BIRC6: variants seen among roughly 807,000 people sequenced by gnomAD.
BIRC6 encodes dual E2 ubiquitin-conjugating enzyme/E3 ubiquitin-protein ligase BIRC6.
BIRC6 carries 98 observed loss-of-function variants against 503.3 expected under a neutral mutation model. The observed-to-expected ratio is 0.19, with a 90% CI of 0.17 to 0.23. The LOEUF (loss-of-function observed/expected upper bound fraction) is 0.23, where lower values mean the gene tolerates loss of function less well. Ranked by LOEUF, BIRC6 falls within the 10% of genes least tolerant of loss-of-function variation. The pLI is 1.00. For missense variants in BIRC6, 5,360 were observed against 5,806.0 expected, an observed-to-expected ratio of 0.92 and a Z score of 2.50; for synonymous variants, 2,240 against 2,078.7, an observed-to-expected ratio of 1.08 and a Z score of -2.11.
intron 23 of BIRC6, among the ~76,000 whole-genome samples, chr2:32,458,555 T>G (rs1558781198): frequency 6.6e-6 from 1 of 152,022 alleles, no homozygotes; most frequent in Non-Finnish European, 1.5e-5. Flanking sequence ...ATCTAATCAT[T>G]TATGGGAAAA....
chr2:32,510,808 AC>A (rs1166497100), intron 53 of BIRC6, among the ~76,000 whole-genome samples, 174 bp downstream of exon 53: 1 of 152,216 alleles, frequency 6.6e-6, no homozygotes, highest in Non-Finnish European at 1.5e-5. Flanking sequence ...TGAACATTAG[AC>A]ATACATTTGT....
At chr2:32,426,861 G>GA (rs1167993119) in intron 10 of BIRC6, among the ~76,000 whole-genome samples, 1 of 152,060 alleles carries the variant, frequency 6.6e-6, no homozygotes, top group Non-Finnish European at 1.5e-5. Flanking sequence ...TGTTTTTCTG[G>GA]AAATGTGTTC....
At position 32,464,692 on chromosome 2, in the gene BIRC6, C is replaced by T. The variant is rs1194767920; in HGVS notation, c.5125C>T (p.Leu1709Phe). The change falls in exon 25 of 74, where the codon CTC (leucine) becomes TTC (phenylalanine). Residue 1709 changes from leucine (L) to phenylalanine (F), a missense_variant. Leu to Phe is a conservative substitution (Grantham distance 22). This residue lies in a region of BIRC6 where 2,299 missense variants were observed against 2,267.2 expected (regional missense o/e 1.01). Transcript: ENST00000421745. ...KTTPLFMTPP[L>F]TPPNEAVSVV... is the part of the protein sequence containing the mutation. The stretch of plus-strand genomic sequence containing the variant: ...AACACCTCTTTTTATGACTCCACCA[C>T]TCACTCCACCCAATGAAGCAGTTTC... The T allele has an allele frequency of 6.2e-7, 1 of 1,613,874 alleles. No homozygotes were observed. Among genetic ancestry groups the T allele is most frequent in the Non-Finnish European group, 8.5e-7 (1 of 1,179,902 alleles).
chr2:32,397,837 A>G (rs557007843), intron 6 of BIRC6, among the ~76,000 whole-genome samples: 53 of 152,032 alleles, frequency 3.5e-4, no homozygotes, highest in Non-Finnish European at 6.3e-4. Flanking sequence ...AATATTTTCT[A>G]TGGAAAGTTG....
At chr2:32,591,791 G>A (rs1306798338) in intron 66 of BIRC6, among the ~76,000 whole-genome samples, 1 of 152,112 alleles carries the variant, frequency 6.6e-6, no homozygotes, top group Non-Finnish European at 1.5e-5. Context: ...CAGTGGCCCT[G>A]TTACTTAATA....
At chr2:32,484,282 G>A (rs565129925) in intron 39 of BIRC6, among the ~76,000 whole-genome samples, 4 of 432 alleles carry the variant, frequency 9.3e-3, no homozygotes, top group Non-Finnish European at 0.024. Flanking sequence ...GGCCAGGTGC[G>A]GTGGTCACGC....
intron 61 of BIRC6, among the ~76,000 whole-genome samples, chr2:32,534,136 G>A (rs890568674): frequency 6.6e-6 from 1 of 152,134 alleles, no homozygotes; most frequent in Non-Finnish European, 1.5e-5. Flanking sequence ...CACTTTGGGA[G>A]GCCAAGGCAG....
chr2:32,493,573 T>C lies in BIRC6; in HGVS notation c.8374T>C (p.Phe2792Leu). ...GPTATQAMQE[F>L]LTRLQVHLSS... ...TACAGCTACACAAGCTATGCAAGAA[T>C]TTCTTACTCGATTACAAGTGCATCT... The change falls in exon 45 of 74, where the codon TTT becomes CTT. Residue 2792 changes from phenylalanine (F) to leucine (L), a missense_variant. Physicochemically the swap from Phe to Leu is conservative, Grantham distance 22. Coordinates refer to ENST00000421745, the MANE Select transcript of BIRC6 (RefSeq NM_016252.4). 1 of 1,611,124 alleles carries C rather than the reference T, an allele frequency of 6.2e-7. No homozygotes were observed. The highest frequency in any genetic ancestry group is 8.5e-7 in the Non-Finnish European group (1 of 1,178,038).
chr2:32,463,830 TA>T (rs2148873269), intron 24 of BIRC6, among the ~76,000 whole-genome samples: 1 of 152,336 alleles, frequency 6.6e-6, no homozygotes, highest in East Asian at 1.9e-4. Flanking sequence ...TACCAATAAA[TA>T]GCCTTTCAGG....
At chr2:32,579,456 G>C (rs2060515551) in intron 66 of BIRC6, among the ~76,000 whole-genome samples, 1 of 152,136 alleles carries the variant, frequency 6.6e-6, no homozygotes. Context: ...GGGAGGCTTA[G>C]GTGGGACGAT....
intron 8 of BIRC6, among the ~76,000 whole-genome samples, chr2:32,402,620 A>G (rs1013978628): frequency 6.6e-6 from 1 of 152,222 alleles, no homozygotes; most frequent in African/African-American, 2.4e-5. Flanking sequence ...CATGTTGATT[A>G]AAGCCTTGTG....
intron 61 of BIRC6, among the ~76,000 whole-genome samples, chr2:32,537,803 A>T (rs1303867375): frequency 2.0e-5 from 3 of 152,074 alleles, no homozygotes; most frequent in African/African-American, 7.2e-5. Context: ...CGTCTCTACT[A>T]AAAATACAAA....
At chr2:32,437,601 A>G (rs1360602454) in intron 15 of BIRC6, among the ~76,000 whole-genome samples, 1 of 152,138 alleles carries the variant, frequency 6.6e-6, no homozygotes. Context: ...CAGATTTCAG[A>G]TTCTTTTCTG....
chr2:32,547,850 C>A lies in BIRC6; in HGVS notation c.12811C>A (p.Pro4271Thr). 1.3e-6 allele frequency: 2 copies of A among 1,549,546 alleles called. No homozygotes were observed. Among genetic ancestry groups the A allele is most frequent in the Non-Finnish European group, 8.7e-7 (1 of 1,152,890 alleles). ...GATTTTCATTTTTTGTTATTTTAAG[C>A]CACAGGTGTCAAGCTCTCATAACCC... ...VPNSSVNQTE[P>T]QVSSSHNPTS... Residue 4271 changes from proline to threonine, a missense_variant and splice_region_variant, in exon 64 of 74, where the codon CCA becomes ACA. Around this residue, in one of 16 missense-constraint regions of BIRC6, gnomAD observed 477 missense variants for 574.4 expected, o/e 0.83. Coordinates refer to ENST00000421745, the MANE Select transcript of BIRC6 (RefSeq NM_016252.4).
rs562328977 is a variant in BIRC6, at chr2:32,357,064, G to A, written c.-98G>A. The A allele has an allele frequency of 9.2e-7, 1 of 1,091,570 alleles. No homozygotes were observed. Among genetic ancestry groups the A allele is most frequent in the East Asian group, 3.1e-5 (1 of 32,002 alleles). The allele number at this position is 1,091,570 out of a possible 1,614,324, so 67.6% of individuals were successfully genotyped here. Reference sequence around the variant, plus strand: ...CCCCCTCTCCCGTCAGCCTCCCTCCGAGTTTGGCCCCTCCGGCCGGGCGAT... The same window carrying A: ...CCCCCTCTCCCGTCAGCCTCCCTCCAAGTTTGGCCCCTCCGGCCGGGCGAT... On this transcript the variant is annotated 5_prime_UTR_variant, in exon 1 of 74. Transcript: ENST00000421745. This position sits in a 1 kb window ranked among gnomAD's most constrained non-coding sequence, Gnocchi z 4.9.
chr2:32,519,206 G>C, intron 57 of BIRC6: 1 of 343,036 alleles, frequency 2.9e-6, no homozygotes, highest in Non-Finnish European at 5.5e-6. Context: ...ATAATTGATG[G>C]CATGTTCTCA....
At chr2:32,469,178 C>G (rs998501293) in intron 29 of BIRC6, among the ~76,000 whole-genome samples, 2 of 152,124 alleles carry the variant, frequency 1.3e-5, no homozygotes, top group Non-Finnish European at 2.9e-5. Context: ...ACATCCAGCT[C>G]CATAGGCAAG....
At chr2:32,543,045 C>G (rs2057794385) in intron 61 of BIRC6, among the ~76,000 whole-genome samples, 196 bp from the exon 62 acceptor site, 2 of 152,208 alleles carry the variant, frequency 1.3e-5, no homozygotes, top group Non-Finnish European at 2.9e-5. Context: ...AGTAATCCAC[C>G]TGCCTCAGCC....
intron 26 of BIRC6, among the ~76,000 whole-genome samples, chr2:32,465,420 A>G (rs2048441969): frequency 6.6e-6 from 1 of 152,044 alleles, no homozygotes; most frequent in Non-Finnish European, 1.5e-5. Context: ...CATTATTGAC[A>G]TAAATAATTT....
Sources: allele counts gnomAD v4.1 joint callset (sites outside exome capture counted in the v4.1 genomes callset), GRCh38; gene constraint gnomAD v4.1.1; regional missense constraint gnomAD v4.1.1; non-coding constraint Gnocchi (gnomAD v3.1); transcripts MANE v1.5; gene names NCBI Gene and HGNC (gene_info 2026-07-23, HGNC 2026-07-21).